PDGFC: variants seen among roughly 807,000 people sequenced by gnomAD.
PDGFC encodes platelet-derived growth factor C.
Under a neutral mutation model 35.5 loss-of-function variants are expected in PDGFC, and 12 were observed. The ratio of observed to expected loss-of-function variants is 0.34; its 90% confidence interval spans 0.22 to 0.55. The LOEUF is 0.55. Among genes scored for constraint, PDGFC ranks in the 20% least tolerant of loss-of-function variants. The pLI, the probability that PDGFC is intolerant of heterozygous loss-of-function variation, is 0.91. For missense variants in PDGFC, 322 were observed against 412.4 expected (o/e 0.78, Z 1.90); for synonymous variants, 159 against 148.8 (o/e 1.07, Z -0.50).
chr4:156,838,132 C>T (rs181235513), intron 2 of PDGFC, among the ~76,000 whole-genome samples: 4 of 152,168 alleles, frequency 2.6e-5, no homozygotes, highest in Non-Finnish European at 4.4e-5. Flanking sequence ...TCCAGAAGTG[C>T]GCGTAGTAAA....
chr4:156,828,505 C>T (rs999916393), intron 2 of PDGFC, among the ~76,000 whole-genome samples: 1 of 152,118 alleles, frequency 6.6e-6, no homozygotes, highest in Non-Finnish European at 1.5e-5. Context: ...ATTTAAGGTA[C>T]AAGAATGACT....
At chr4:156,817,222 C>G (rs909046418) in intron 2 of PDGFC, among the ~76,000 whole-genome samples, 2 of 151,454 alleles carry the variant, frequency 1.3e-5, no homozygotes, top group Admixed American at 6.6e-5. Context: ...CAAATCAAAA[C>G]AAAATATCAG....
At chr4:156,787,070 T>C (rs1731148520) in intron 3 of PDGFC, among the ~76,000 whole-genome samples, 1 of 152,212 alleles carries the variant, frequency 6.6e-6, no homozygotes, top group Admixed American at 6.5e-5. Flanking sequence ...TTTATGGATA[T>C]TACTAAAAGT....
At chr4:156,877,252 T>C (rs990669072) in intron 1 of PDGFC, among the ~76,000 whole-genome samples, 1 of 151,292 alleles carries the variant, frequency 6.6e-6, no homozygotes, top group South Asian at 2.1e-4. Context: ...CCTTTCTCAG[T>C]GTTACGGAAA....
At chr4:156,928,234 T>TA (rs1448740054) in intron 1 of PDGFC, among the ~76,000 whole-genome samples, 1 of 152,118 alleles carries the variant, frequency 6.6e-6, no homozygotes, top group Admixed American at 6.6e-5. Context: ...GTAGGTCATT[T>TA]AATAGCACCC....
intron 2 of PDGFC, among the ~76,000 whole-genome samples, chr4:156,831,404 T>C (rs554496492): frequency 1.8e-4 from 28 of 151,828 alleles, no homozygotes; most frequent in Middle Eastern, 3.4e-3. Flanking sequence ...GCCCAAGAGT[T>C]TGAGGCCAGC....
chr4:156,784,310 T>G (rs1032477224), intron 3 of PDGFC, among the ~76,000 whole-genome samples: 1 of 151,960 alleles, frequency 6.6e-6, no homozygotes, highest in Non-Finnish European at 1.5e-5. Context: ...AATCTAAGGG[T>G]CGGGAAGAGA....
At chr4:156,893,071 C>T (rs1202450228) in intron 1 of PDGFC, among the ~76,000 whole-genome samples, 1 of 152,086 alleles carries the variant, frequency 6.6e-6, no homozygotes, top group Non-Finnish European at 1.5e-5. Context: ...TGATCTACCC[C>T]TTATATTTGA....
chr4:156,971,458 G>T lies in PDGFC; in HGVS notation c.-555C>A. 1 of 294,732 alleles carries T rather than the reference G, an allele frequency of 3.4e-6. No individual in the cohort carries two copies. The highest frequency in any genetic ancestry group is 6.2e-6 in the Non-Finnish European group (1 of 161,344). 18.3% of individuals were successfully genotyped at this position (294,732 alleles called of 1,614,324 possible). A position where few individuals can be genotyped will look rare whatever the true frequency, so the allele number is the denominator to read the frequency against. On this transcript the variant is annotated 5_prime_UTR_variant, in exon 1 of 6. Coordinates refer to ENST00000502773, the MANE Select transcript of PDGFC (RefSeq NM_016205.3). ...GAGGGGGAAGAAACAAGGCGAGGGC[G>T]CCGCGGCGGGTCCCACGGGCCGGGG...
chr4:156,830,353 CAAACTACAAAGGAAAAT>C (rs1388092818), intron 2 of PDGFC, among the ~76,000 whole-genome samples: 2 of 152,050 alleles, frequency 1.3e-5, no homozygotes, highest in East Asian at 3.9e-4. Context: ...TTACGCACCT[CAAACTACAAAGGAAAAT>C]AAAAGATAAA....
At chr4:156,956,642 T>TGACAGTGA in intron 1 of PDGFC, among the ~76,000 whole-genome samples, 1 of 152,146 alleles carries the variant, frequency 6.6e-6, no homozygotes, top group Non-Finnish European at 1.5e-5. Flanking sequence ...TGGTTTGGGA[T>TGACAGTGA]GACAGTGAGA....
At chr4:156,890,455 T>C (rs978876146) in intron 1 of PDGFC, among the ~76,000 whole-genome samples, 2 of 152,294 alleles carry the variant, frequency 1.3e-5, no homozygotes, top group East Asian at 1.9e-4. Flanking sequence ...CTGTTTCGAA[T>C]GCCCTTTCCC....
chr4:156,902,531 C>T (rs1252122681), intron 1 of PDGFC, among the ~76,000 whole-genome samples: 1 of 152,192 alleles, frequency 6.6e-6, no homozygotes, highest in Non-Finnish European at 1.5e-5. Context: ...CATGTTTCCA[C>T]ATGTTACATA....
intron 1 of PDGFC, among the ~76,000 whole-genome samples, chr4:156,898,638 C>CA (rs1553975114): frequency 2.6e-3 from 250 of 96,864 alleles, no homozygotes; most frequent in African/African-American, 7.3e-3. Context: ...TAGAAGCTTC[C>CA]ATTTTTTTTT....
chr4:156,834,532 A>T (rs1270548406), intron 2 of PDGFC, among the ~76,000 whole-genome samples: 1 of 152,168 alleles, frequency 6.6e-6, no homozygotes, highest in African/African-American at 2.4e-5. Context: ...TGAGATGGAG[A>T]GCTACAGATA....
intron 3 of PDGFC, chr4:156,779,218 C>T (rs1020843095): frequency 1.5e-5 from 7 of 454,646 alleles, no homozygotes; most frequent in South Asian, 9.4e-5. Context: ...TTGCCTTTCC[C>T]TATGTTCTTA....
intron 1 of PDGFC, among the ~76,000 whole-genome samples, chr4:156,914,215 C>CT (rs1183822067): frequency 1.3e-5 from 2 of 152,134 alleles, no homozygotes; most frequent in Admixed American, 1.3e-4. Context: ...CTCAAAAACT[C>CT]TCTCAGTTGT....
intron 1 of PDGFC, among the ~76,000 whole-genome samples, chr4:156,870,466 A>G (rs930292981): frequency 2.0e-5 from 3 of 152,074 alleles, no homozygotes; most frequent in Non-Finnish European, 2.9e-5. Flanking sequence ...GACCTGATAT[A>G]TTATTATCTT....
At chr4:156,956,213 C>A (rs1009274452) in intron 1 of PDGFC, among the ~76,000 whole-genome samples, 2 of 151,950 alleles carry the variant, frequency 1.3e-5, no homozygotes, top group Admixed American at 6.6e-5. Flanking sequence ...AAGTACAGAT[C>A]TCTGGGGTGA....
Sources: allele counts gnomAD v4.1 joint callset (sites outside exome capture counted in the v4.1 genomes callset), GRCh38; gene constraint gnomAD v4.1.1; transcripts MANE v1.5; gene names NCBI Gene and HGNC (gene_info 2026-07-23, HGNC 2026-07-21).